CPPED1: variants seen among roughly 807,000 people sequenced by gnomAD.
CPPED1 encodes the protein serine/threonine-protein phosphatase CPPED1.
Under a neutral mutation model 28.0 loss-of-function variants are expected in CPPED1, and 28 were observed. The observed-to-expected ratio is 1.00, with a 90% CI of 0.74 to 1.37. The LOEUF is 1.37. Among genes scored for constraint, CPPED1 ranks in the 40% most tolerant of loss-of-function variants. The pLI is 0.00. For synonymous variants in CPPED1, 198 were observed against 180.2 expected (o/e 1.10, Z -0.79); for missense variants, 504 against 416.5 (o/e 1.21, Z -1.83).
At chr16:12,702,754 T>C (rs1334643301) in intron 3 of CPPED1, among the ~76,000 whole-genome samples, 2 of 151,374 alleles carry the variant, frequency 1.3e-5, no homozygotes, top group East Asian at 2.0e-4. Flanking sequence ...TCCCAGCACT[T>C]TGGGAGGCCG....
intron 2 of CPPED1, among the ~76,000 whole-genome samples, chr16:12,712,631 G>A (rs1432377289): frequency 1.3e-5 from 2 of 152,126 alleles, no homozygotes; most frequent in South Asian, 2.1e-4. Context: ...TAGTGGCCAC[G>A]GATATATAGA....
intron 2 of CPPED1, among the ~76,000 whole-genome samples, chr16:12,754,379 CA>C (rs940608970): frequency 6.6e-6 from 1 of 152,138 alleles, no homozygotes; most frequent in Non-Finnish European, 1.5e-5. Flanking sequence ...TGAACACACA[CA>C]GGGGCGCCTG....
In CPPED1 at chr16:12,659,993, G is replaced by C. The variant is rs145150408; in HGVS notation, c.*4893C>G. On this transcript the variant is annotated 3_prime_UTR_variant, in exon 4 of 4. Transcript: ENST00000381774. The stretch of plus-strand genomic sequence containing the variant: ...TCACTATCACAAGAATAGCATGGGA[G>C]AAACTGCCTCCATGATCCAATTACC... 2.6e-4 allele frequency: 39 copies of C among 152,298 alleles called. No homozygotes were observed. The highest frequency in any genetic ancestry group is 9.4e-4 in the African/African-American group (39 of 41,562). The allele number at this position is 152,298 out of a possible 1,614,324, so 9.4% of individuals were successfully genotyped here. A position where few individuals can be genotyped will look rare whatever the true frequency, so the allele number is the denominator to read the frequency against.
intron 2 of CPPED1, among the ~76,000 whole-genome samples, chr16:12,736,891 T>C (rs1442375549): frequency 6.6e-6 from 1 of 152,030 alleles, no homozygotes; most frequent in Admixed American, 6.6e-5. Flanking sequence ...GCTGCAACTC[T>C]AAAATCAGAG....
In CPPED1 at chr16:12,783,435, A is replaced by T. The variant is rs1226809650; in HGVS notation, c.71-2032T>A. On this transcript the variant is annotated intron_variant, in intron 1 of 3. Transcript: ENST00000381774. Reference sequence around the variant, plus strand: ...GAATACTTTAACCTGGGAGGCGGAAACTACAGTGAGCCGAAATCATGCCAC... The same window carrying T: ...GAATACTTTAACCTGGGAGGCGGAATCTACAGTGAGCCGAAATCATGCCAC... Among the ~76,000 whole-genome samples the T allele has an allele frequency of 3.3e-5, 5 of 151,874 alleles. No homozygotes were observed. The East Asian group carries it at 9.7e-4, about 29-fold the overall frequency.
intron 2 of CPPED1, among the ~76,000 whole-genome samples, chr16:12,734,985 C>G (rs1237700789): frequency 1.3e-5 from 2 of 152,168 alleles, no homozygotes; most frequent in Non-Finnish European, 2.9e-5. Flanking sequence ...AGGCTCAAGA[C>G]AGATCTTGGG....
At chr16:12,771,850 T>C (rs1241397609) in intron 2 of CPPED1, among the ~76,000 whole-genome samples, 1 of 152,148 alleles carries the variant, frequency 6.6e-6, no homozygotes, top group Non-Finnish European at 1.5e-5. Flanking sequence ...GGGTCAGGCA[T>C]GGTGGCTCAT....
chr16:12,700,805 G>C (rs1596451537), intron 3 of CPPED1, among the ~76,000 whole-genome samples: 1 of 152,316 alleles, frequency 6.6e-6, no homozygotes, highest in African/African-American at 2.4e-5. Flanking sequence ...CCTGCCCTCA[G>C]GGAGCTGAGA....
chr16:12,782,870 CAATAAT>C (rs916337322), intron 1 of CPPED1, among the ~76,000 whole-genome samples: 1 of 151,192 alleles, frequency 6.6e-6, no homozygotes, highest in Non-Finnish European at 1.5e-5. Flanking sequence ...GACTCTATCT[CAATAAT>C]AATAATAATA....
intron 3 of CPPED1, among the ~76,000 whole-genome samples, chr16:12,674,310 C>G (rs1264221952): frequency 6.6e-6 from 1 of 152,106 alleles, no homozygotes; most frequent in East Asian, 1.9e-4. Context: ...ATGCTGAGTT[C>G]AAGGCTCTGG....
chr16:12,766,843 G>A (rs2080442591), intron 2 of CPPED1, among the ~76,000 whole-genome samples: 2 of 152,166 alleles, frequency 1.3e-5, no homozygotes, highest in Non-Finnish European at 1.5e-5. Context: ...TCTGCTCAGA[G>A]GGCTGGTCTG....
At chr16:12,675,419 G>A (rs1567272660) in intron 3 of CPPED1, among the ~76,000 whole-genome samples, 1 of 152,058 alleles carries the variant, frequency 6.6e-6, no homozygotes. Context: ...AGCTTCATAT[G>A]TTTTTTTTCT....
chr16:12,694,814 G>A (rs1020906147), intron 3 of CPPED1, among the ~76,000 whole-genome samples: 11 of 148,366 alleles, frequency 7.4e-5, no homozygotes, highest in South Asian at 2.1e-4. Flanking sequence ...TTTTGCTCTC[G>A]TTACCCAGGC....
chr16:12,663,698 C>A lies in CPPED1; in HGVS notation c.*1188G>T, dbSNP rs138307059. 85 of 152,178 alleles carry A rather than the reference C, an allele frequency of 5.6e-4. No homozygotes were observed. The highest frequency in any genetic ancestry group is 2.0e-3 in the African/African-American group (82 of 41,522). 9.4% of individuals were successfully genotyped at this position (152,178 alleles called of 1,614,324 possible). On this transcript the variant is annotated 3_prime_UTR_variant, in exon 4 of 4. Transcript: ENST00000381774. ...AATAGACTTTGCAGGTCATGTGTAA[C>A]CAGCTTTGGAAATCATTTTAGGATT...
intron 2 of CPPED1, among the ~76,000 whole-genome samples, chr16:12,716,101 G>A (rs2141194448): frequency 6.6e-6 from 1 of 152,280 alleles, no homozygotes; most frequent in East Asian, 1.9e-4. Flanking sequence ...CTACATATGT[G>A]TAAGCTTTAT....
At chr16:12,678,793 C>A (rs1596442689) in intron 3 of CPPED1, among the ~76,000 whole-genome samples, 1 of 151,976 alleles carries the variant, frequency 6.6e-6, no homozygotes, top group East Asian at 1.9e-4. Context: ...TTTGTAGATT[C>A]CTGGGATTTT....
intron 2 of CPPED1, among the ~76,000 whole-genome samples, chr16:12,707,533 G>A (rs561263235): frequency 6.6e-6 from 1 of 152,260 alleles, no homozygotes; most frequent in East Asian, 1.9e-4. Context: ...CTGGGGTGCA[G>A]AGCATCTCCT....
chr16:12,696,296 G>C (rs771079683), intron 3 of CPPED1, among the ~76,000 whole-genome samples: 1 of 152,148 alleles, frequency 6.6e-6, no homozygotes, highest in Non-Finnish European at 1.5e-5. Flanking sequence ...GCACCCCAGG[G>C]GTGAGAAGCA....
intron 2 of CPPED1, among the ~76,000 whole-genome samples, chr16:12,723,955 T>A (rs897982653): frequency 3.2e-4 from 48 of 152,220 alleles, no homozygotes; most frequent in Non-Finnish European, 2.4e-4. Context: ...GCCACCCTCA[T>A]ACCCAGCCAC....
Sources: allele counts gnomAD v4.1 joint callset (sites outside exome capture counted in the v4.1 genomes callset), GRCh38; gene constraint gnomAD v4.1.1; transcripts MANE v1.5; gene names NCBI Gene and HGNC (gene_info 2026-07-23, HGNC 2026-07-21).